Variants in ABCC2 observed in about 807,000 individuals in gnomAD.
The protein encoded by ABCC2 is ATP binding cassette subfamily C member 2.
Under a neutral mutation model 173.4 loss-of-function variants are expected in ABCC2, and 157 were observed. The ratio of observed to expected loss-of-function variants is 0.91; its 90% CI spans 0.80 to 1.03. The LOEUF is 1.03. Among genes scored for constraint, ABCC2 ranks in the 50% least tolerant of loss-of-function variants. The pLI is 0.00. For missense variants in ABCC2, 1,822 were observed against 1,852.3 expected, an observed-to-expected ratio of 0.98 and a Z score of 0.30; for synonymous variants, 657 against 693.5, an observed-to-expected ratio of 0.95 and a Z score of 0.83.
intron 9 of ABCC2, 70 bp downstream of exon 9, chr10:99,800,633 G>A: frequency 3.2e-6 from 5 of 1,549,252 alleles, no homozygotes; most frequent in Non-Finnish European, 4.4e-6. Flanking sequence ...TTCCAAGGTT[G>A]AGGAAAATGT....
chr10:99,810,893 G>A (rs762547311), intron 14 of ABCC2, among the ~76,000 whole-genome samples: 1 of 152,074 alleles, frequency 6.6e-6, no homozygotes, highest in Non-Finnish European at 1.5e-5. Context: ...GTGTGGTGGT[G>A]CATGCCTGTA....
At chr10:99,799,083 C>T (rs41318025) in intron 7 of ABCC2, 124 bp from the exon 8 acceptor site, 56 of 1,031,760 alleles carry the variant, frequency 5.4e-5, no homozygotes, top group Non-Finnish European at 8.0e-5. Context: ...GCAACTAGGC[C>T]AGGGAGAGAT....
At chr10:99,825,736 C>T (rs1367344168) in intron 19 of ABCC2, among the ~76,000 whole-genome samples, 2 of 152,266 alleles carry the variant, frequency 1.3e-5, no homozygotes, top group Non-Finnish European at 2.9e-5. Flanking sequence ...TCCTCTCAGG[C>T]AGTGGGCCAT....
Position 99,847,030 on chromosome 10 carries a change from AT to A in ABCC2, c.4219del (p.Trp1407GlyfsTer24), listed in dbSNP as rs774690484. 1 of 1,614,138 alleles carries A rather than the reference AT, an allele frequency of 6.2e-7. No individual in the cohort carries two copies. The highest frequency in any genetic ancestry group is 1.1e-5 in the South Asian group (1 of 91,080). ...DPFNNYSDEEIWKALELAHLK... is the reference protein window; with the variant it reads ...DPFNNYSDEEXWKALELAHLK... The stretch of plus-strand genomic sequence containing the variant: ...TTTCAACAACTACTCAGATGAGGAG[AT>A]TTGGAAGGCCTTGGAGCTGGCTCAC... On this transcript the variant is annotated frameshift_variant, in exon 30 of 32. Transcript: ENST00000647814. LOFTEE classifies it high-confidence loss of function.
rs1356080718 is a variant in ABCC2, at chr10:99,834,400, C to T, written c.3279C>T (p.Asp1093=). ...RFAGDISTVD[D]TLPQSLRSWI... is the part of the protein sequence containing the mutation. ...CCTAGGATATTTCCACAGTGGATGA[C>T]ACCCTGCCTCAGTCCTTGCGCAGCT... The change falls in exon 24 of 32, where the codon GAC becomes GAT. Residue 1093 remains aspartate, a synonymous_variant. Transcript: ENST00000647814. 1.9e-6 allele frequency: 3 copies of T among 1,614,060 alleles called. No homozygotes were observed. Among genetic ancestry groups the T allele is most frequent in the South Asian group, 1.1e-5 (1 of 91,084 alleles).
chr10:99,813,125 ACG>A lies in ABCC2; in HGVS notation c.2076_2077del (p.His692GlnfsTer34), dbSNP rs1334821798. The A allele has an allele frequency of 1.2e-6, 2 of 1,613,806 alleles. No individual in the cohort carries two copies. The highest frequency in any genetic ancestry group is 1.7e-6 in the Non-Finnish European group (2 of 1,179,872). Reference sequence around the variant, plus strand: ...ATGCTGGGAGAAATGGAAAATGTCCACGGGCACATCACCATCAAGGTGAGAGG... The same window carrying A: ...ATGCTGGGAGAAATGGAAAATGTCCAGGCACATCACCATCAAGGTGAGAGG... On this transcript the variant is annotated frameshift_variant, in exon 16 of 32. Coordinates refer to ENST00000647814, the MANE Select transcript of ABCC2 (RefSeq NM_000392.5). LOFTEE classifies it high-confidence loss of function.
rs202211597 is a variant in ABCC2, at chr10:99,806,081, G to C, written c.1530+634G>C. Among the ~76,000 whole-genome samples, 51 of 26,342 alleles carry C rather than the reference G, an allele frequency of 1.9e-3. 1 individual carries two copies. Among genetic ancestry groups the C allele is most frequent in the Non-Finnish European group, 2.9e-3 (34 of 11,574 alleles). The allele number at this position is 26,342 out of a possible 152,430, so 17.3% of individuals were successfully genotyped here. A position where few individuals can be genotyped will look rare whatever the true frequency, so the allele number is the denominator to read the frequency against. On this transcript the variant is annotated intron_variant, in intron 11 of 31. Coordinates refer to ENST00000647814, the MANE Select transcript of ABCC2 (RefSeq NM_000392.5). ...CTACAGTCTCTCTCTCTCTGTCTGT[G>C]TGTGTGTGTGTGTGTGTGTGTGTGT...
At chr10:99,820,996 G>A (rs904051648) in intron 19 of ABCC2, among the ~76,000 whole-genome samples, 10 of 152,200 alleles carry the variant, frequency 6.6e-5, no homozygotes, top group South Asian at 4.1e-4. Context: ...TTGATCATTC[G>A]TGGGTGTTTC....
chr10:99,839,661 T>G, intron 25 of ABCC2, among the ~76,000 whole-genome samples: 2 of 16,612 alleles, frequency 1.2e-4, no homozygotes, highest in East Asian at 1.6e-3. Flanking sequence ...GGCTCCTTAC[T>G]TCTCAGACGG....
intron 6 of ABCC2, among the ~76,000 whole-genome samples, chr10:99,795,089 G>T (rs2037876380): frequency 6.6e-6 from 1 of 152,130 alleles, no homozygotes; most frequent in South Asian, 2.1e-4. Context: ...TGAAATAGCT[G>T]GCTTGGGCTA....
At chr10:99,791,615 G>T (rs1464935028) in intron 2 of ABCC2, among the ~76,000 whole-genome samples, 1 of 152,202 alleles carries the variant, frequency 6.6e-6, no homozygotes, top group African/African-American at 2.4e-5. Flanking sequence ...GTTCATATGA[G>T]CTGTCTGGGG....
At chr10:99,836,565 T>C (rs1451557099) in intron 25 of ABCC2, among the ~76,000 whole-genome samples, 1 of 152,244 alleles carries the variant, frequency 6.6e-6, no homozygotes, top group East Asian at 1.9e-4. Context: ...GAACACACCC[T>C]ATCTCACAGG....
chr10:99,814,208 CACATGT>C lies in ABCC2; in HGVS notation c.2094+1065_2094+1070del, dbSNP rs1489823597. On this transcript the variant is annotated intron_variant, in intron 16 of 31. Coordinates refer to ENST00000647814, the MANE Select transcript of ABCC2 (RefSeq NM_000392.5). ...GTATACACACATGTGTATATATACA[CACATGT>C]GTATATATACACACATGTGTATATA... Among the ~76,000 whole-genome samples, 329 of 72,744 alleles carry C rather than the reference CACATGT, an allele frequency of 4.5e-3. 25 individuals carry two copies. The highest frequency in any genetic ancestry group is 8.8e-3 in the Middle Eastern group (1 of 114). 47.7% of individuals were successfully genotyped at this position (72,744 alleles called of 152,430 possible). A position where few individuals can be genotyped will look rare whatever the true frequency, so the allele number is the denominator to read the frequency against.
intron 23 of ABCC2, 81 bp from the exon 24 acceptor site, chr10:99,834,299 A>G: frequency 7.0e-7 from 1 of 1,425,644 alleles, no homozygotes; most frequent in South Asian, 1.2e-5. Context: ...AATCCAACAG[A>G]TTCCTTGCTA....
chr10:99,811,485 A>T (rs2038212313), intron 14 of ABCC2, 51 bp from the exon 15 acceptor site: 1 of 1,561,956 alleles, frequency 6.4e-7, no homozygotes, highest in Non-Finnish European at 8.8e-7. Context: ...GTGAGGGCAG[A>T]CAGTCACGTG....
rs200435012 is a variant in ABCC2 at position 99,799,184 on chromosome 10, C to T, written c.868-23C>T. 7 of 1,613,548 alleles carry T rather than the reference C, an allele frequency of 4.3e-6. No homozygotes were observed. The East Asian group carries it at 1.3e-4, about 31-fold the overall frequency. ...AGTAACAGACATAACTCTGTGGACA[C>T]TGTTGTTTGGTTTTGTACCTAGGAA... On this transcript the variant is annotated intron_variant, in intron 7 of 31. Coordinates refer to ENST00000647814, the MANE Select transcript of ABCC2 (RefSeq NM_000392.5).
At chr10:99,847,551 C>T (rs1410923032) in intron 30 of ABCC2, among the ~76,000 whole-genome samples, 5 of 150,790 alleles carry the variant, frequency 3.3e-5, no homozygotes, top group African/African-American at 1.2e-4. Flanking sequence ...TGCAGTGAGC[C>T]GAGATTGCAC....
At chr10:99,783,268 A>T (rs906684252) in intron 1 of ABCC2, among the ~76,000 whole-genome samples, 4 of 152,222 alleles carry the variant, frequency 2.6e-5, no homozygotes, top group Admixed American at 6.5e-5. Context: ...TGAAATGATA[A>T]TGATAAGTTC....
intron 28 of ABCC2, 136 bp downstream of exon 28, chr10:99,844,601 G>A (rs894781412): frequency 2.6e-6 from 3 of 1,134,468 alleles, no homozygotes; most frequent in Non-Finnish European, 3.9e-6. Context: ...TCTGCCCTGG[G>A]GAGGTGTGGG....
Sources: gnomAD v4.1 joint callset for allele counts (sites outside exome capture counted in the v4.1 genomes callset) on GRCh38, gnomAD v4.1.1 for gene constraint, MANE v1.5 for transcripts, NCBI Gene and HGNC (gene_info 2026-07-23, HGNC 2026-07-21) for gene names.